The following MXRA7 variants were observed in gnomAD, a reference collection of about 807,000 sequenced individuals.
The protein encoded by MXRA7 is matrix-remodeling-associated protein 7.
Under a neutral mutation model 17.4 loss-of-function variants are expected in MXRA7, and 18 were observed. That is an observed-to-expected ratio of 1.03 (90% CI 0.71 to 1.53). The LOEUF (loss-of-function observed/expected upper bound fraction) is 1.53. MXRA7 is among the 40% of genes most tolerant of loss of function. MXRA7 has a pLI of 0.00. For missense variants in MXRA7, 141 were observed against 209.3 expected (o/e 0.67, Z 2.01); for synonymous variants, 70 against 101.7 (o/e 0.69, Z 1.87).
At chr17:76,692,234 C>T (rs4789345) in intron 1 of MXRA7, among the ~76,000 whole-genome samples, 42,013 of 149,452 alleles carry the variant, frequency 0.28, 7,180 homozygotes, top group Non-Finnish European at 0.38. Flanking sequence ...AAAAATTGTA[C>T]TTGACTTTGG....
At chr17:76,705,582 T>C (rs1402123048) in intron 1 of MXRA7, among the ~76,000 whole-genome samples, 1 of 152,192 alleles carries the variant, frequency 6.6e-6, no homozygotes, top group East Asian at 1.9e-4. Context: ...TGATGGTATC[T>C]GGAGGTGGGG....
At chr17:76,683,585 A>AC (rs1471681611) in intron 3 of MXRA7, among the ~76,000 whole-genome samples, 1 of 152,016 alleles carries the variant, frequency 6.6e-6, no homozygotes, top group East Asian at 1.9e-4. Flanking sequence ...GGGCGCTAGC[A>AC]CCCCAACCTG....
chr17:76,705,213 A>G (rs11867976), intron 1 of MXRA7, among the ~76,000 whole-genome samples: 1,794 of 152,344 alleles, frequency 0.012, 33 homozygotes, highest in African/African-American at 0.041. Flanking sequence ...CTGAAAGAAC[A>G]AAGTTTATCT....
intron 3 of MXRA7, 88 bp from the exon 4 acceptor site, chr17:76,680,967 G>A: frequency 9.1e-7 from 1 of 1,096,450 alleles, no homozygotes; most frequent in Non-Finnish European, 1.4e-6. Flanking sequence ...ATGGGGACGA[G>A]GAAGGAGAAT....
chr17:76,676,051 G>A (rs1567973214), downstream of MXRA7: 2 of 152,208 alleles, frequency 1.3e-5, no homozygotes, highest in Non-Finnish European at 2.9e-5. Flanking sequence ...CCAGTGGGGT[G>A]ATCAGAAATG....
intron 2 of MXRA7, among the ~76,000 whole-genome samples, 195 bp downstream of exon 2, chr17:76,687,918 G>C (rs1252232527): frequency 6.6e-6 from 1 of 152,140 alleles, no homozygotes; most frequent in African/African-American, 2.4e-5. Context: ...GTGCAATGGG[G>C]GTGAGGGAGG....
At chr17:76,686,324 C>T (rs1371930506) in intron 2 of MXRA7, among the ~76,000 whole-genome samples, 1 of 152,016 alleles carries the variant, frequency 6.6e-6, no homozygotes, top group African/African-American at 2.4e-5. Context: ...ACTAAAAATA[C>T]AAAAAATTAG....
At chr17:76,700,703 C>T (rs1001267165) in intron 1 of MXRA7, among the ~76,000 whole-genome samples, 3 of 152,226 alleles carry the variant, frequency 2.0e-5, no homozygotes, top group African/African-American at 7.2e-5. Context: ...CCCTGCTCTC[C>T]GGAACAGGCG....
At chr17:76,708,112 G>A (rs921294994) in intron 1 of MXRA7, among the ~76,000 whole-genome samples, 7 of 152,188 alleles carry the variant, frequency 4.6e-5, no homozygotes, top group African/African-American at 1.4e-4. Flanking sequence ...CTTTGTCCTT[G>A]GCCAAAGAGG....
chr17:76,706,227 T>TGCCGTCACAGAGGCCCACG (rs1567990801), intron 1 of MXRA7, among the ~76,000 whole-genome samples: 1 of 28,908 alleles, frequency 3.5e-5, no homozygotes, highest in African/African-American at 1.1e-4. Flanking sequence ...AAAGGCCCAC[T>TGCCGTCACAGAGGCCCACG]CTGCCGTCAC....
downstream of MXRA7, among the ~76,000 whole-genome samples, chr17:76,679,302 A>AG (rs1555640465): frequency 7.2e-3 from 1,094 of 151,292 alleles, 10 homozygotes; most frequent in African/African-American, 0.016. Flanking sequence ...AAAAAAAAAA[A>AG]AAGAAGAAGA....
chr17:76,700,887 G>T (rs1337768615), intron 1 of MXRA7, among the ~76,000 whole-genome samples: 1 of 152,136 alleles, frequency 6.6e-6, no homozygotes, highest in Non-Finnish European at 1.5e-5. Context: ...GGAGAGAGGT[G>T]AGGACCGACT....
intron 2 of MXRA7, 96 bp from the exon 3 acceptor site, chr17:76,685,261 A>G: frequency 1.2e-6 from 1 of 844,308 alleles, no homozygotes; most frequent in Non-Finnish European, 2.0e-6. Flanking sequence ...GAAACACCTC[A>G]AGCAGAGGCC....
chr17:76,688,066 C>G, intron 2 of MXRA7, 47 bp downstream of exon 2: 2 of 1,597,784 alleles, frequency 1.3e-6, no homozygotes, highest in South Asian at 2.2e-5. Context: ...ACACAGACCA[C>G]CCCCGACACT....
chr17:76,682,059 C>T (rs1206045635), intron 3 of MXRA7, among the ~76,000 whole-genome samples: 1 of 152,230 alleles, frequency 6.6e-6, no homozygotes, highest in African/African-American at 2.4e-5. Context: ...TGACCGCTTT[C>T]TGGCCCCAGG....
chr17:76,692,604 A>G (rs147970657), intron 1 of MXRA7, among the ~76,000 whole-genome samples: 6 of 151,446 alleles, frequency 4.0e-5, no homozygotes, highest in African/African-American at 1.5e-4. Flanking sequence ...ATGGGTCAGG[A>G]AAGCAAATGA....
At chr17:76,689,149 G>A (rs2143626072) in intron 1 of MXRA7, 1 of 152,412 alleles carries the variant, frequency 6.6e-6, no homozygotes, top group African/African-American at 2.4e-5. Flanking sequence ...GCGTGCAGTG[G>A]CGCGATCTCG....
chr17:76,688,046 C>T (rs2076422229), intron 2 of MXRA7, 67 bp downstream of exon 2: 1 of 1,349,010 alleles, frequency 7.4e-7, no homozygotes, highest in Admixed American at 1.8e-5. Flanking sequence ...CTCCTGTGAT[C>T]CCCAGCAGGA....
At chr17:76,695,356 G>GTGTGTA (rs951811864) in intron 1 of MXRA7, among the ~76,000 whole-genome samples, 2 of 150,958 alleles carry the variant, frequency 1.3e-5, no homozygotes, top group African/African-American at 4.9e-5. Flanking sequence ...AGCTTCAGGT[G>GTGTGTA]TGTGTGTGTG....
Sources: allele counts gnomAD v4.1 joint callset (sites outside exome capture counted in the v4.1 genomes callset), GRCh38; gene constraint gnomAD v4.1.1; transcripts MANE v1.5; gene names NCBI Gene and HGNC (gene_info 2026-07-23, HGNC 2026-07-21).